The following GPC5 variants were observed in gnomAD, a reference collection of about 807,000 sequenced individuals.
The protein encoded by GPC5 is glypican 5.
In GPC5, 47 loss-of-function variants were observed where a neutral mutation model predicts 53.9. That is an observed-to-expected ratio of 0.87 (90% CI 0.69 to 1.11). GPC5 has a LOEUF of 1.11. Among genes scored for constraint, GPC5 ranks in the 50% most tolerant of loss-of-function variants. The pLI is 0.00. For missense variants in GPC5, 748 were observed against 713.1 expected (o/e 1.05, Z -0.56); for synonymous variants, 286 against 263.3 (o/e 1.09, Z -0.84).
intron 1 of GPC5, among the ~76,000 whole-genome samples, chr13:91,417,975 A>G (rs1308126337): frequency 1.3e-5 from 2 of 152,178 alleles, no homozygotes; most frequent in East Asian, 3.9e-4. Flanking sequence ...AAAGTTCCAG[A>G]CAAAAACATT....
At chr13:92,034,676 A>G (rs2040879230) in intron 6 of GPC5, among the ~76,000 whole-genome samples, 1 of 152,122 alleles carries the variant, frequency 6.6e-6, no homozygotes. Context: ...TAAATTATAC[A>G]CTTTTATTTC....
Position 92,692,692 on chromosome 13 carries a change from AAAAAC to A in GPC5, c.1562-173578_1562-173574del, listed in dbSNP as rs568144006. On this transcript the variant is annotated intron_variant, in intron 7 of 7. Transcript: ENST00000377067. ...ACTTAAAGTATAATAATAAATTAAA[AAAAAC>A]AAAACAAAACAGTGTACGTGTGTTC... is the stretch of plus-strand genomic sequence containing the variant. Among the ~76,000 whole-genome samples the A allele has an allele frequency of 4.7e-3, 708 of 149,944 alleles. 6 individuals are homozygous for A. The highest frequency in any genetic ancestry group is 0.016 in the African/African-American group (669 of 40,948).
At chr13:92,412,518 C>A (rs1594179956) in intron 7 of GPC5, among the ~76,000 whole-genome samples, 1 of 152,152 alleles carries the variant, frequency 6.6e-6, no homozygotes, top group Admixed American at 6.6e-5. Context: ...CATTCTTAAA[C>A]CGTTGGAAAA....
intron 7 of GPC5, among the ~76,000 whole-genome samples, chr13:92,817,198 A>G (rs956255978): frequency 1.3e-5 from 2 of 152,052 alleles, no homozygotes; most frequent in Non-Finnish European, 2.9e-5. Context: ...CACTTCCCAC[A>G]CATACACAAA....
chr13:92,466,694 T>C (rs1270169096), intron 7 of GPC5, among the ~76,000 whole-genome samples: 2 of 152,080 alleles, frequency 1.3e-5, no homozygotes, highest in South Asian at 2.1e-4. Context: ...AATTAAAAAT[T>C]TGTGAAGTTT....
intron 6 of GPC5, among the ~76,000 whole-genome samples, chr13:91,939,703 G>A (rs565372065): frequency 6.6e-6 from 1 of 152,240 alleles, no homozygotes; most frequent in African/African-American, 2.4e-5. Context: ...GGAGAAGAAA[G>A]CCTCTTTAGA....
intron 6 of GPC5, among the ~76,000 whole-genome samples, chr13:91,958,711 C>T (rs954838256): frequency 2.0e-5 from 3 of 151,866 alleles, no homozygotes; most frequent in East Asian, 3.8e-4. Flanking sequence ...CATTAGAAAT[C>T]CATAACAAGA....
At chr13:92,768,167 A>G (rs1189437827) in intron 7 of GPC5, among the ~76,000 whole-genome samples, 3 of 152,240 alleles carry the variant, frequency 2.0e-5, no homozygotes, top group Non-Finnish European at 4.4e-5. Context: ...CAGTTTTTTC[A>G]TACGTAGAAT....
intron 7 of GPC5, among the ~76,000 whole-genome samples, chr13:92,778,421 T>C (rs894270094): frequency 6.6e-6 from 1 of 152,178 alleles, no homozygotes; most frequent in African/African-American, 2.4e-5. Context: ...GAATCACAGT[T>C]CTTAAAAATT....
intron 6 of GPC5, among the ~76,000 whole-genome samples, chr13:92,120,284 T>C (rs2041638204): frequency 6.6e-6 from 1 of 152,182 alleles, no homozygotes; most frequent in Non-Finnish European, 1.5e-5. Flanking sequence ...CTTTGTGTTT[T>C]GAGATGAGGT....
chr13:92,781,341 C>CT (rs572690268), intron 7 of GPC5, among the ~76,000 whole-genome samples: 2 of 151,740 alleles, frequency 1.3e-5, no homozygotes, highest in African/African-American at 2.4e-5. Context: ...TTTCCTTTCA[C>CT]TTTTTTTTCA....
intron 7 of GPC5, among the ~76,000 whole-genome samples, chr13:92,605,184 AG>A (rs1237291298): frequency 6.6e-6 from 1 of 152,250 alleles, no homozygotes; most frequent in Admixed American, 6.5e-5. Context: ...GCCTAGTTTA[AG>A]AAAAAAGGGA....
chr13:92,658,147 G>A (rs533535733), intron 7 of GPC5, among the ~76,000 whole-genome samples: 9 of 152,170 alleles, frequency 5.9e-5, no homozygotes, highest in Non-Finnish European at 1.0e-4. Context: ...CTAGACTGGA[G>A]AATTCTTGGG....
chr13:92,400,678 T>C (rs148833417), intron 7 of GPC5, among the ~76,000 whole-genome samples: 1 of 152,324 alleles, frequency 6.6e-6, no homozygotes, highest in African/African-American at 2.4e-5. Flanking sequence ...CTCAAGTATA[T>C]ATTTCCTACA....
chr13:92,062,685 T>A (rs1285148767), intron 6 of GPC5, among the ~76,000 whole-genome samples: 1 of 152,010 alleles, frequency 6.6e-6, no homozygotes, highest in African/African-American at 2.4e-5. Context: ...GTTTGGGGAA[T>A]AATGTGGACT....
intron 2 of GPC5, among the ~76,000 whole-genome samples, chr13:91,571,755 A>C: frequency 6.7e-6 from 1 of 148,314 alleles, no homozygotes; most frequent in African/African-American, 2.5e-5. Flanking sequence ...ATACACACAT[A>C]TACATGTGTA....
chr13:91,523,555 A>T (rs1240003004), intron 2 of GPC5, among the ~76,000 whole-genome samples: 1 of 152,182 alleles, frequency 6.6e-6, no homozygotes, highest in Non-Finnish European at 1.5e-5. Flanking sequence ...ATAATAATGG[A>T]TGGTTACCAG....
chr13:91,812,818 A>G (rs1199825511), intron 5 of GPC5, among the ~76,000 whole-genome samples: 1 of 152,198 alleles, frequency 6.6e-6, no homozygotes, highest in Admixed American at 6.5e-5. Flanking sequence ...CCTCAATAGC[A>G]GAAATGAAGA....
chr13:92,852,926 T>G (rs1318903929), intron 7 of GPC5, among the ~76,000 whole-genome samples: 4 of 152,162 alleles, frequency 2.6e-5, no homozygotes, highest in African/African-American at 9.7e-5. Context: ...ACCTACCTTA[T>G]CCTGGCTGAC....
Sources: allele counts gnomAD v4.1 joint callset (sites outside exome capture counted in the v4.1 genomes callset), GRCh38; gene constraint gnomAD v4.1.1; transcripts MANE v1.5; gene names NCBI Gene and HGNC (gene_info 2026-07-23, HGNC 2026-07-21).